Variants in DCX observed in about 807,000 individuals in gnomAD.
The protein encoded by DCX is doublecortin.
In DCX, 4 loss-of-function variants were observed where a neutral mutation model predicts 20.9. That is an observed-to-expected ratio of 0.19 (90% CI 0.09 to 0.44). DCX has a LOEUF of 0.44. DCX is among the 20% of genes least tolerant of loss of function. DCX has a pLI of 0.99. For synonymous variants in DCX, 103 were observed against 111.4 expected (o/e 0.92, Z 0.47); for missense variants, 133 against 296.9 (o/e 0.45, Z 4.06).
intron 2 of DCX, among the ~76,000 whole-genome samples, chrX:111,409,086 G>A (rs1398188322): frequency 1.8e-5 from 2 of 111,538 alleles, no homozygotes; most frequent in Non-Finnish European, 3.8e-5. Context: ...ACCACTCCTT[G>A]AAGCTGTTCT....
In DCX at chrX:111,354,265, A is replaced by G. The variant is rs917220041; in HGVS notation, c.706-21112T>C. ...TTCTCATATCCCTTAAAATCTAGTG[A>G]AATATATCGAAGGCCTTTGATTGTC... On this transcript the variant is annotated intron_variant, in intron 3 of 6. Coordinates refer to ENST00000636035, the MANE Select transcript of DCX (RefSeq NM_001195553.2). Among the ~76,000 whole-genome samples, 5 of 111,745 alleles carry G rather than the reference A, an allele frequency of 4.5e-5. No homozygotes were observed. The Admixed American group carries it at 4.8e-4, about 11-fold the overall frequency.
chrX:111,407,647 C>T (rs1337963066), intron 2 of DCX, among the ~76,000 whole-genome samples: 1 of 111,536 alleles, frequency 9.0e-6, no homozygotes, highest in Non-Finnish European at 1.9e-5. Context: ...CCAAGAAGTA[C>T]TACTGCACCC....
intron 5 of DCX, among the ~76,000 whole-genome samples, chrX:111,322,873 C>A (rs989141799): frequency 1.8e-5 from 2 of 112,053 alleles, no homozygotes; most frequent in Non-Finnish European, 3.8e-5. Flanking sequence ...ATATTTCCTA[C>A]GGAATCTTGG....
chrX:111,353,589 A>C (rs1006276210), intron 3 of DCX, among the ~76,000 whole-genome samples: 1 of 111,680 alleles, frequency 9.0e-6, no homozygotes, highest in Non-Finnish European at 1.9e-5. Flanking sequence ...CTGGCATAGT[A>C]GTAACTATCC....
chrX:111,399,982 A>G (rs1281303132), intron 3 of DCX, among the ~76,000 whole-genome samples: 2 of 112,200 alleles, frequency 1.8e-5, no homozygotes, highest in Non-Finnish European at 3.8e-5. Context: ...TTATAGGAGG[A>G]GGCACAGGTC....
chrX:111,402,973 G>A (rs1365676304), intron 2 of DCX, among the ~76,000 whole-genome samples: 2 of 111,027 alleles, frequency 1.8e-5, no homozygotes, highest in Non-Finnish European at 3.8e-5. Context: ...GGACACCCAG[G>A]ATGAGATGGT....
At chrX:111,411,136 T>C (rs1374664259) in intron 1 of DCX, 4 of 465,424 alleles carry the variant, frequency 8.6e-6, no homozygotes, top group Non-Finnish European at 1.5e-5. Context: ...CCGACATTCA[T>C]AAGAAATAAG....
chrX:111,379,487 T>C (rs78100617), intron 3 of DCX, among the ~76,000 whole-genome samples: 2,432 of 111,973 alleles, frequency 0.022, 75 homozygotes, highest in African/African-American at 0.074. Context: ...CTTTTGTGTC[T>C]GGTTTCCTTC....
intron 3 of DCX, among the ~76,000 whole-genome samples, chrX:111,336,576 T>C (rs1302161963): frequency 8.9e-6 from 1 of 112,073 alleles, no homozygotes; most frequent in Non-Finnish European, 1.9e-5. Context: ...ATGCTCTCCA[T>C]CTTAAATAAG....
intron 3 of DCX, among the ~76,000 whole-genome samples, chrX:111,340,832 CA>C (rs779560106): frequency 2.5e-3 from 281 of 111,314 alleles, no homozygotes; most frequent in Non-Finnish European, 4.4e-3. Flanking sequence ...AAAGCAACAA[CA>C]ACAGCATCAA....
intron 5 of DCX, among the ~76,000 whole-genome samples, chrX:111,319,573 C>G (rs1043963168): frequency 1.7e-4 from 19 of 111,849 alleles, no homozygotes; most frequent in African/African-American, 6.2e-4. Flanking sequence ...TCTGTGGAGT[C>G]GCAATGGGGC....
intron 3 of DCX, among the ~76,000 whole-genome samples, chrX:111,392,494 C>G (rs184333275): frequency 4.4e-4 from 49 of 111,407 alleles, no homozygotes; most frequent in African/African-American, 1.5e-3. Flanking sequence ...AGATACATGA[C>G]AGAACATAGA....
chrX:111,295,279 A>G lies in DCX; in HGVS notation c.*6408T>C, dbSNP rs937521222. The G allele has an allele frequency of 8.9e-5, 10 of 112,257 alleles. No homozygotes were observed. Among genetic ancestry groups the G allele is most frequent in the African/African-American group, 3.2e-4 (10 of 30,871 alleles). 9.3% of individuals were successfully genotyped at this position (112,257 alleles called of 1,213,427 possible). On this transcript the variant is annotated 3_prime_UTR_variant, in exon 7 of 7. Transcript: ENST00000636035. ...TTAACACCTACAATCTGGCTTCTTTAGGTCCACTAATTTCTCTTATATGGA... is the reference window on the plus strand; with the variant it reads ...TTAACACCTACAATCTGGCTTCTTTGGGTCCACTAATTTCTCTTATATGGA...
At chrX:111,341,692 CA>C (rs1569490605) in intron 3 of DCX, among the ~76,000 whole-genome samples, 1 of 111,882 alleles carries the variant, frequency 8.9e-6, no homozygotes, top group Non-Finnish European at 1.9e-5. Context: ...AGAAACTCTA[CA>C]AGCCAGAAGA....
chrX:111,410,971 T>A (rs1928663598), intron 1 of DCX: 1 of 1,200,601 alleles, frequency 8.3e-7, no homozygotes, highest in African/African-American at 1.8e-5. Context: ...GGGAGTGTTT[T>A]CATTTTATTC....
At chrX:111,404,631 A>G (rs191501366) in intron 2 of DCX, among the ~76,000 whole-genome samples, 11 of 111,910 alleles carry the variant, frequency 9.8e-5, no homozygotes, top group African/African-American at 3.6e-4. Flanking sequence ...ACTAGGTGAC[A>G]CCTGAGTCCC....
intron 3 of DCX, among the ~76,000 whole-genome samples, chrX:111,363,627 C>A (rs1478091388): frequency 9.0e-6 from 1 of 110,861 alleles, no homozygotes; most frequent in Non-Finnish European, 1.9e-5. Context: ...GTCCTACAAA[C>A]CTCCTAGTTT....
At position 111,294,187 on chromosome X, in the gene DCX, T is replaced by C. The variant is rs972736873; in HGVS notation, c.*7500A>G. The C allele has an allele frequency of 9.0e-6, 1 of 111,705 alleles. No homozygotes were observed. Among genetic ancestry groups the C allele is most frequent in the African/African-American group, 3.3e-5 (1 of 30,753 alleles). 9.2% of individuals were successfully genotyped at this position (111,705 alleles called of 1,213,427 possible). A position where few individuals can be genotyped will look rare whatever the true frequency, so the allele number is the denominator to read the frequency against. On this transcript the variant is annotated 3_prime_UTR_variant, in exon 7 of 7. Transcript: ENST00000636035. The stretch of plus-strand genomic sequence containing the variant: ...CTGCTTTTGAATCACAATTTCAGAG[T>C]AGGTTAGGTATTGCCTAGGACACTG...
intron 2 of DCX, among the ~76,000 whole-genome samples, chrX:111,402,952 G>T (rs1159767883): frequency 4.5e-5 from 5 of 110,608 alleles, no homozygotes; most frequent in African/African-American, 1.6e-4. Context: ...TTACCCACTT[G>T]GTGCATACAT....
Sources: gnomAD v4.1 joint callset for allele counts (sites outside exome capture counted in the v4.1 genomes callset) on GRCh38, gnomAD v4.1.1 for gene constraint, MANE v1.5 for transcripts, NCBI Gene and HGNC (gene_info 2026-07-23, HGNC 2026-07-21) for gene names.